The following BICC1 variants were observed in gnomAD, a reference collection of about 807,000 sequenced individuals.
BICC1 encodes the protein protein bicaudal C homolog 1.
In BICC1, 43 loss-of-function variants were observed where a neutral mutation model predicts 111.0. The ratio of observed to expected loss-of-function variants is 0.39; its 90% CI spans 0.30 to 0.50. The LOEUF (loss-of-function observed/expected upper bound fraction) is 0.50. Among genes scored for constraint, BICC1 ranks in the 20% least tolerant of loss-of-function variants. The pLI is 0.88. For missense variants in BICC1, 1,091 were observed against 1,203.2 expected (o/e 0.91, Z 1.38); for synonymous variants, 467 against 434.4 (o/e 1.07, Z -0.93).
At chr10:58,816,863 CAGTT>C (rs1844110708) in intron 18 of BICC1, among the ~76,000 whole-genome samples, 1 of 151,432 alleles carries the variant, frequency 6.6e-6, no homozygotes, top group African/African-American at 2.4e-5. Context: ...GAGCCACAGA[CAGTT>C]TGTTGAAACC....
chr10:58,688,223 G>T (rs898723779), intron 2 of BICC1, among the ~76,000 whole-genome samples: 1 of 151,990 alleles, frequency 6.6e-6, no homozygotes, highest in Admixed American at 6.6e-5. Context: ...CTGCTGGCTC[G>T]GGTGGCCAGC....
chr10:58,588,635 C>G (rs1844505302), intron 1 of BICC1, among the ~76,000 whole-genome samples: 1 of 152,172 alleles, frequency 6.6e-6, no homozygotes, highest in Non-Finnish European at 1.5e-5. Context: ...GGCTGGCAGC[C>G]TGAGGACTGT....
chr10:58,821,926 A>G lies in BICC1; in HGVS notation c.2794+1458A>G, dbSNP rs566042093. 2.5e-4 allele frequency among the ~76,000 whole-genome samples: 38 copies of G among 152,212 alleles called. 1 individual carries two copies. In the South Asian group the frequency reaches 7.7e-3, roughly 31 times the overall value. ...TTCCATTTCTAAGATCTGTCCTTTC[A>G]TGTGATATCATCAGGCTTAGTGAAA... On this transcript the variant is annotated intron_variant, in intron 20 of 20. Transcript: ENST00000373886.
chr10:58,793,730 G>C, intron 9 of BICC1, 115 bp downstream of exon 9: 1 of 1,136,892 alleles, frequency 8.8e-7, no homozygotes, highest in South Asian at 1.5e-5. Context: ...TATACAGGTT[G>C]AATATCCCCA....
chr10:58,745,737 C>G (rs1841818595), intron 3 of BICC1, among the ~76,000 whole-genome samples: 1 of 151,874 alleles, frequency 6.6e-6, no homozygotes, highest in South Asian at 2.1e-4. Flanking sequence ...ATTAGGGCCA[C>G]AGATAACAAT....
chr10:58,780,235 TACC>T (rs1842848689), intron 3 of BICC1, among the ~76,000 whole-genome samples: 1 of 152,252 alleles, frequency 6.6e-6, no homozygotes, highest in Non-Finnish European at 1.5e-5. Flanking sequence ...ACATAAAATG[TACC>T]ACAGCCATCC....
intron 17 of BICC1, among the ~76,000 whole-genome samples, chr10:58,811,928 G>A (rs1454127197): frequency 6.6e-6 from 1 of 152,194 alleles, no homozygotes; most frequent in Non-Finnish European, 1.5e-5. Flanking sequence ...AAGCCGAGGT[G>A]GGTAGGGTGG....
intron 1 of BICC1, among the ~76,000 whole-genome samples, chr10:58,619,653 T>A (rs1003531385): frequency 1.3e-5 from 2 of 152,100 alleles, no homozygotes; most frequent in African/African-American, 4.8e-5. Flanking sequence ...TTTTGTATTT[T>A]TAGTAGAGAC....
intron 3 of BICC1, among the ~76,000 whole-genome samples, chr10:58,773,430 C>T (rs1462308682): frequency 6.6e-6 from 1 of 152,180 alleles, no homozygotes; most frequent in African/African-American, 2.4e-5. Context: ...GGGCTGTTTA[C>T]AGTAGACAGG....
At chr10:58,617,869 A>C (rs1845668788) in intron 1 of BICC1, among the ~76,000 whole-genome samples, 1 of 152,252 alleles carries the variant, frequency 6.6e-6, no homozygotes, top group African/African-American at 2.4e-5. Context: ...TGCCTGCCCC[A>C]GTGCTCCTAA....
At chr10:58,617,227 C>T (rs937926676) in intron 1 of BICC1, among the ~76,000 whole-genome samples, 3 of 152,220 alleles carry the variant, frequency 2.0e-5, no homozygotes, top group Admixed American at 6.5e-5. Context: ...AGTCGTCGTG[C>T]GGATGACTTA....
At chr10:58,685,466 G>T (rs889120802) in intron 2 of BICC1, among the ~76,000 whole-genome samples, 2 of 152,154 alleles carry the variant, frequency 1.3e-5, no homozygotes, top group Admixed American at 6.5e-5. Context: ...TGACAGTAGG[G>T]TGTTAAAATC....
chr10:58,748,882 G>T (rs2132635261), intron 3 of BICC1, among the ~76,000 whole-genome samples: 1 of 152,242 alleles, frequency 6.6e-6, no homozygotes, highest in South Asian at 2.1e-4. Context: ...GAGAAGGATT[G>T]CACTCCATCA....
intron 17 of BICC1, among the ~76,000 whole-genome samples, chr10:58,809,987 T>G (rs1843849513): frequency 6.6e-6 from 1 of 152,222 alleles, no homozygotes; most frequent in Non-Finnish European, 1.5e-5. Context: ...AGCTTAATAA[T>G]CCAGACTCTT....
intron 2 of BICC1, among the ~76,000 whole-genome samples, chr10:58,683,717 A>G (rs1839615480): frequency 6.6e-6 from 1 of 152,156 alleles, no homozygotes; most frequent in Non-Finnish European, 1.5e-5. Context: ...GATTTTGCAC[A>G]CAGATTTTGT....
In BICC1 at chr10:58,730,723, A is replaced by G. The variant is rs574779072; in HGVS notation, c.307+28580A>G. Among the ~76,000 whole-genome samples, 8 of 152,084 alleles carry G rather than the reference A, an allele frequency of 5.3e-5. No individual in the cohort carries two copies. In the East Asian group the frequency reaches 7.8e-4, roughly 15 times the overall value. On this transcript the variant is annotated intron_variant, in intron 3 of 20. Coordinates refer to ENST00000373886, the MANE Select transcript of BICC1 (RefSeq NM_001080512.3). Reference sequence around the variant, plus strand: ...TCTTAACACAGTGTAGAAACCACCAATGCTTCTAGCCTGCACCTTCTGAAG... The same window carrying G: ...TCTTAACACAGTGTAGAAACCACCAGTGCTTCTAGCCTGCACCTTCTGAAG...
At chr10:58,803,278 CAT>C in intron 15 of BICC1, 36 bp downstream of exon 15, 1 of 1,539,726 alleles carries the variant, frequency 6.5e-7, no homozygotes. Flanking sequence ...ACTCAAATGT[CAT>C]ATGTTTGGGT....
intron 1 of BICC1, among the ~76,000 whole-genome samples, chr10:58,609,306 A>G (rs1845335969): frequency 6.6e-6 from 1 of 152,228 alleles, no homozygotes; most frequent in Non-Finnish European, 1.5e-5. Context: ...GTTAAAACAG[A>G]TAGAACTTTG....
At chr10:58,761,048 G>A (rs2132681726) in intron 3 of BICC1, among the ~76,000 whole-genome samples, 1 of 152,188 alleles carries the variant, frequency 6.6e-6, no homozygotes, top group South Asian at 2.1e-4. Flanking sequence ...AATAGAGACA[G>A]GGTTTCACCA....
Sources: allele counts gnomAD v4.1 joint callset (sites outside exome capture counted in the v4.1 genomes callset), GRCh38; gene constraint gnomAD v4.1.1; transcripts MANE v1.5; gene names NCBI Gene and HGNC (gene_info 2026-07-23, HGNC 2026-07-21).